The following TMEM25 variants were observed in gnomAD, a reference collection of about 807,000 sequenced individuals.
TMEM25 encodes transmembrane protein 25, also known as 0610039J01Rik.
Under a neutral mutation model 37.0 loss-of-function variants are expected in TMEM25, and 36 were observed. That is an observed-to-expected ratio of 0.97 (90% CI 0.75 to 1.28). The LOEUF (loss-of-function observed/expected upper bound fraction) is 1.28. TMEM25 is among the 50% of genes most tolerant of loss of function. The pLI, the probability that TMEM25 is intolerant of heterozygous loss-of-function variation, is 0.00. For synonymous variants in TMEM25, 197 were observed against 203.7 expected, an observed-to-expected ratio of 0.97 and a Z score of 0.28; for missense variants, 444 against 477.9, an observed-to-expected ratio of 0.93 and a Z score of 0.66.
At chr11:118,536,123 C>G (rs1426464479), downstream of TMEM25, among the ~76,000 whole-genome samples, 4 of 152,000 alleles carry the variant, frequency 2.6e-5, no homozygotes, top group African/African-American at 9.7e-5. Flanking sequence ...AGTGATCTGC[C>G]CACCTCGGCC....
chr11:118,533,352 T>C lies in TMEM25; in HGVS notation c.674-68T>C. 3 of 1,604,828 alleles carry C rather than the reference T, an allele frequency of 1.9e-6. No homozygotes were observed. In the South Asian group the frequency reaches 3.3e-5, roughly 18 times the overall value. Reference sequence around the variant, plus strand: ...GCCACCCTGGGCAAGGAGGGCAGAGTAGTACCTATGGCATGTTGGGGCTGG... The same window carrying C: ...GCCACCCTGGGCAAGGAGGGCAGAGCAGTACCTATGGCATGTTGGGGCTGG... On this transcript the variant is annotated intron_variant, in intron 4 of 8. Coordinates refer to ENST00000313236, the MANE Select transcript of TMEM25 (RefSeq NM_032780.4).
chr11:118,543,321 A>G (rs556243872), intron 8 of TMEM25, among the ~76,000 whole-genome samples: 12 of 152,164 alleles, frequency 7.9e-5, no homozygotes, highest in African/African-American at 2.2e-4. Flanking sequence ...TTGTGTATCT[A>G]TTAGGCTGAT....
Position 118,532,236 on chromosome 11 carries a change from C to T in TMEM25, c.157C>T (p.Arg53Trp), listed in dbSNP as rs11553524. Reference sequence around the variant, plus strand: ...GAATGAACGCCACGCCTTCACCTGCCGGGTGGCAGGGGGGCCTGGCACCCC... The same window carrying T: ...GAATGAACGCCACGCCTTCACCTGCTGGGTGGCAGGGGGGCCTGGCACCCC... ...RENERHAFTCRVAGGPGTPRL... is the reference protein window; with the variant it reads ...RENERHAFTCWVAGGPGTPRL... Residue 53 changes from arginine (R) to tryptophan (W), a missense_variant, in exon 3 of 9, where the codon CGG becomes TGG. Transcript: ENST00000313236. 1.1e-5 allele frequency: 17 copies of T among 1,613,130 alleles called. No homozygotes were observed. The highest frequency in any genetic ancestry group is 1.6e-4 in the Middle Eastern group (1 of 6,080).
chr11:118,537,184 A>G (rs1456336302), downstream of TMEM25, among the ~76,000 whole-genome samples: 1 of 152,076 alleles, frequency 6.6e-6, no homozygotes, highest in East Asian at 1.9e-4. Context: ...CTACTAAAAT[A>G]TAAAAAATTA....
At position 118,534,096 on chromosome 11, in the gene TMEM25, C is replaced by T; in HGVS notation, c.904C>T (p.Leu302Phe). Reference protein sequence around the residue: ...PRENMSLPSNLQLNDLTPDSR... With the variant: ...PRENMSLPSNFQLNDLTPDSR... ...GGAGAACATGTCCCTCCCGTCCAAC[C>T]TTCAGCTCAATGACCTCACTCCAGA... Residue 302 changes from leucine to phenylalanine, a missense_variant, in exon 7 of 9, where the codon CTT becomes TTT. Physicochemically the swap from Leu to Phe is conservative, Grantham distance 22 (BLOSUM62 0). Transcript: ENST00000313236. The surrounding 1 kb of genome is among the most constrained non-coding windows in gnomAD (Gnocchi z 4.6). 1 of 1,614,188 alleles carries T rather than the reference C, an allele frequency of 6.2e-7. No homozygotes were observed. The highest frequency in any genetic ancestry group is 8.5e-7 in the Non-Finnish European group (1 of 1,180,026).
rs1555058340 is a variant in TMEM25, at chr11:118,531,737, G to T, written c.-27-38G>T. 11 of 1,429,128 alleles carry T rather than the reference G, an allele frequency of 7.7e-6. No individual in the cohort carries two copies. The East Asian group carries it at 2.8e-4, about 36-fold the overall frequency. The allele number at this position is 1,429,128 out of a possible 1,614,324, so 88.5% of individuals were successfully genotyped here. A position where few individuals can be genotyped will look rare whatever the true frequency, so the allele number is the denominator to read the frequency against. Reference sequence around the variant, plus strand: ...CCTGGAGCAATTGCTAGGCCTGCCTGCTGTCACCTGGCTGACAGGCCCGCC... The same window carrying T: ...CCTGGAGCAATTGCTAGGCCTGCCTTCTGTCACCTGGCTGACAGGCCCGCC... On this transcript the variant is annotated intron_variant, in intron 1 of 8. Coordinates refer to ENST00000313236, the MANE Select transcript of TMEM25 (RefSeq NM_032780.4).
intron 5 of TMEM25, 83 bp from the exon 6 acceptor site, chr11:118,533,774 G>C (rs1951408144): frequency 6.2e-7 from 1 of 1,606,488 alleles, no homozygotes; most frequent in East Asian, 2.2e-5. Flanking sequence ...CCCCTTGCCT[G>C]AGGGTCCTGG....
Position 118,533,487 on chromosome 11 carries a change from C to T in TMEM25, c.741C>T (p.Gly247=). The T allele has an allele frequency of 6.2e-7, 1 of 1,614,202 alleles. No individual in the cohort carries two copies. Among genetic ancestry groups the T allele is most frequent in the Non-Finnish European group, 8.5e-7 (1 of 1,180,032 alleles). ...GIVVAAGLAL[G]TLVGFSTLVA... The stretch of plus-strand genomic sequence containing the variant: ...TTGTGGCTGCTGGGCTTGCACTGGG[C>T]ACCCTCGTGGGGTTCAGCACCTTGG... Residue 247 remains glycine, a synonymous_variant, in exon 5 of 9, where the codon GGC becomes GGT. Coordinates refer to ENST00000313236, the MANE Select transcript of TMEM25 (RefSeq NM_032780.4).
At chr11:118,531,973 C>T in intron 2 of TMEM25, 102 bp downstream of exon 2, 1 of 1,427,734 alleles carries the variant, frequency 7.0e-7, no homozygotes, top group Non-Finnish European at 9.5e-7. Context: ...GGCCCCAAGC[C>T]CTGGAGTCCC....
chr11:118,537,088 C>A (rs974877067), downstream of TMEM25, among the ~76,000 whole-genome samples: 2 of 152,162 alleles, frequency 1.3e-5, no homozygotes, highest in African/African-American at 2.4e-5. Context: ...CGCCTGTAAT[C>A]CTAGCACTTT....
At chr11:118,532,635 A>G (rs1160759975) in intron 3 of TMEM25, 174 bp downstream of exon 3, 4 of 859,516 alleles carry the variant, frequency 4.7e-6, no homozygotes, top group Non-Finnish European at 6.9e-6. Context: ...TCACCATTTT[A>G]CAAATAAGAA....
exon 9 of TMEM25, chr11:118,546,270 G>A: frequency 1.5e-6 from 1 of 674,290 alleles, no homozygotes; most frequent in Non-Finnish European, 2.7e-6. Context: ...GGTTGAGGTG[G>A]GCAGATCGCC....
At chr11:118,542,393 C>T (rs1951589611) in intron 8 of TMEM25, among the ~76,000 whole-genome samples, 2 of 152,230 alleles carry the variant, frequency 1.3e-5, no homozygotes, top group African/African-American at 2.4e-5. Context: ...AAAGGCCCCA[C>T]TTCTTGATAT....
intron 8 of TMEM25, chr11:118,545,406 C>T (rs782619925): frequency 6.2e-7 from 1 of 1,604,128 alleles, no homozygotes; most frequent in East Asian, 2.2e-5. Context: ...ATGCTTGGCT[C>T]ACCTGTGAGT....
At chr11:118,531,915 A>C (rs1191567623) in intron 2 of TMEM25, 44 bp downstream of exon 2, 1 of 1,547,428 alleles carries the variant, frequency 6.5e-7, no homozygotes, top group Admixed American at 2.0e-5. Flanking sequence ...CTGGGTTCCA[A>C]AGCCCCCTCT....
chr11:118,535,384 C>T lies in TMEM25; in HGVS notation c.*804C>T, dbSNP rs1173756282. 2 of 1,417,564 alleles carry T rather than the reference C, an allele frequency of 1.4e-6. No homozygotes were observed. Among genetic ancestry groups the T allele is most frequent in the Non-Finnish European group, 1.8e-6 (2 of 1,089,156 alleles). 87.8% of individuals were successfully genotyped at this position (1,417,564 alleles called of 1,614,324 possible). A position where few individuals can be genotyped will look rare whatever the true frequency, so the allele number is the denominator to read the frequency against. On this transcript the variant is annotated 3_prime_UTR_variant, in exon 9 of 9. Transcript: ENST00000313236. ...TTTCCTACGGCGTTAGCACTTTAAG[C>T]ACATCCCCTAGGGGAGGGGGTGAGT...
rs782802854 is a variant in TMEM25 at position 118,532,426 on chromosome 11, G to C, written c.347G>C (p.Arg116Pro). Residue 116 changes from arginine to proline, a missense_variant, in exon 3 of 9, where the codon CGA becomes CCA. Arg to Pro is a moderately radical substitution (Grantham distance 103, BLOSUM62 -2). Transcript: ENST00000313236. Reference protein sequence around the residue: ...NCSLQDPRSGRSANASVILNV... With the variant: ...NCSLQDPRSGPSANASVILNV... ...TCTCTGCAGGACCCCAGAAGTGGCC[G>C]ATCAGCCAACGCCTCTGTCATCCTT... 6.2e-7 allele frequency: 1 copy of C among 1,610,738 alleles called. No individual in the cohort carries two copies. Among genetic ancestry groups the C allele is most frequent in the South Asian group, 1.1e-5 (1 of 91,028 alleles).
In TMEM25 at chr11:118,535,173, TTCTTC is replaced by T. The variant is rs782632727; in HGVS notation, c.*600_*604del. On this transcript the variant is annotated 3_prime_UTR_variant, in exon 9 of 9. Coordinates refer to ENST00000313236, the MANE Select transcript of TMEM25 (RefSeq NM_032780.4). Reference sequence around the variant, plus strand: ...TGCTGCACACGTCTCTGCCCTTCACTTCTTCTCTTCTGTCCCCACCTCCTCTTGGG... The same window carrying T: ...TGCTGCACACGTCTCTGCCCTTCACTTCTTCTGTCCCCACCTCCTCTTGGG... 264 of 1,052,858 alleles carry T rather than the reference TTCTTC, an allele frequency of 2.5e-4. No homozygotes were observed. The highest frequency in any genetic ancestry group is 3.0e-4 in the Non-Finnish European group (260 of 874,008). 65.2% of individuals were successfully genotyped at this position (1,052,858 alleles called of 1,614,324 possible).
chr11:118,532,722 C>A (rs1951346323), intron 3 of TMEM25, 195 bp from the exon 4 acceptor site: 1 of 837,224 alleles, frequency 1.2e-6, no homozygotes, highest in African/African-American at 1.7e-5. Context: ...GGATTCACAT[C>A]TGGGCATTTG....
Sources: allele counts gnomAD v4.1 joint callset (sites outside exome capture counted in the v4.1 genomes callset), GRCh38; gene constraint gnomAD v4.1.1; non-coding constraint Gnocchi (gnomAD v3.1); transcripts MANE v1.5; gene names NCBI Gene and HGNC (gene_info 2026-07-23, HGNC 2026-07-21).